PRKDC: variants seen among roughly 807,000 people sequenced by gnomAD.
The protein encoded by PRKDC is protein kinase, DNA-activated, catalytic subunit.
In PRKDC, 82 loss-of-function variants were observed where a neutral mutation model predicts 486.9. The ratio of observed to expected loss-of-function variants is 0.17; its 90% confidence interval spans 0.14 to 0.20. PRKDC has a LOEUF of 0.20. PRKDC is among the 10% of genes least tolerant of loss of function. PRKDC has a pLI of 1.00. For missense variants in PRKDC, 4,504 were observed against 5,038.2 expected, an observed-to-expected ratio of 0.89 and a Z score of 3.21; for synonymous variants, 1,895 against 1,837.0, an observed-to-expected ratio of 1.03 and a Z score of -0.81.
At chr8:47,789,107 C>T (rs2086841418) in intron 75 of PRKDC, 44 bp downstream of exon 75, 19 of 1,611,940 alleles carry the variant, frequency 1.2e-5, no homozygotes, top group Non-Finnish European at 1.6e-5. Flanking sequence ...TTAAGTTTTA[C>T]CCAACTTATA....
intron 52 of PRKDC, 108 bp from the exon 53 acceptor site, chr8:47,849,611 T>C (rs1459695689): frequency 7.9e-7 from 1 of 1,259,152 alleles, no homozygotes; most frequent in Non-Finnish European, 1.1e-6. Flanking sequence ...AGGTGCTCAA[T>C]GTTGTCACCT....
At chr8:47,867,886 A>G (rs1018286593) in intron 40 of PRKDC, among the ~76,000 whole-genome samples, 5 of 152,154 alleles carry the variant, frequency 3.3e-5, no homozygotes, top group African/African-American at 1.2e-4. Context: ...AGCCTTTGTC[A>G]GTTTTATCAC....
chr8:47,927,077 A>G (rs1403676923), intron 21 of PRKDC, 117 bp downstream of exon 21: 2 of 951,546 alleles, frequency 2.1e-6, no homozygotes, highest in Non-Finnish European at 3.0e-6. Flanking sequence ...GCAATCAAAC[A>G]TATTTTGAAC....
chr8:47,823,777 C>G, intron 64 of PRKDC, 81 bp downstream of exon 64: 1 of 1,505,952 alleles, frequency 6.6e-7, no homozygotes. Flanking sequence ...TCTGCTGTAC[C>G]TCGTTTTGCT....
intron 25 of PRKDC, 80 bp downstream of exon 25, chr8:47,912,330 T>G (rs1490152829): frequency 7.2e-7 from 1 of 1,382,358 alleles, no homozygotes; most frequent in African/African-American, 1.5e-5. Context: ...TCCAGGTAAT[T>G]CCACTGCTCT....
chr8:47,831,941 C>T lies in PRKDC; in HGVS notation c.8153-15G>A. The T allele has an allele frequency of 6.2e-7, 1 of 1,605,568 alleles. No homozygotes were observed. Among genetic ancestry groups the T allele is most frequent in the Non-Finnish European group, 8.5e-7 (1 of 1,173,388 alleles). ...GCCGGCCGCACCTGGAGAGGGAAAGCAGGCCCAGTTACTCCCCGCCGCCCA... is the reference window on the plus strand; with the variant it reads ...GCCGGCCGCACCTGGAGAGGGAAAGTAGGCCCAGTTACTCCCCGCCGCCCA... On this transcript the variant is annotated splice_polypyrimidine_tract_variant and intron_variant, in intron 59 of 85. Transcript: ENST00000314191.
rs2090670485 is a variant in PRKDC, at chr8:47,954,363, T to C, written c.483A>G (p.Ala161=). Residue 161 remains alanine, a synonymous_variant, in exon 5 of 86, where the codon GCA becomes GCG. Coordinates refer to ENST00000314191, the MANE Select transcript of PRKDC (RefSeq NM_006904.7). ...CTGTATCTGGTATTTTTTTTTTCAA[T>C]GCAAGTTCTCCATAGAATTTACTAA... ...ELFSKFYGEL[A]LKKKIPDTVL... 3 of 1,342,852 alleles carry C rather than the reference T, an allele frequency of 2.2e-6. No individual in the cohort carries two copies. Among genetic ancestry groups the C allele is most frequent in the Non-Finnish European group, 2.0e-6 (2 of 988,948 alleles). The allele number at this position is 1,342,852 out of a possible 1,614,324, so 83.2% of individuals were successfully genotyped here. A position where few individuals can be genotyped will look rare whatever the true frequency, so the allele number is the denominator to read the frequency against.
intron 74 of PRKDC, among the ~76,000 whole-genome samples, chr8:47,791,247 T>A (rs1406939976): frequency 6.6e-6 from 1 of 152,026 alleles, no homozygotes; most frequent in Admixed American, 6.5e-5. Context: ...GAGGCCAAGG[T>A]GGGCAGATCA....
chr8:47,913,825 T>C, intron 24 of PRKDC, 76 bp downstream of exon 24: 1 of 1,316,804 alleles, frequency 7.6e-7, no homozygotes, highest in Non-Finnish European at 1.0e-6. Context: ...CTGAAACATG[T>C]TCTCTATATC....
Position 47,834,245 on chromosome 8 carries a change from CCCAAAAT to C in PRKDC, c.8096_8102del (p.Asp2699GlyfsTer16). ...CCCCTGGAAGGCCCAGCCTTTTTTT[CCCAAAAT>C]CAGGCCCCACTGACTTCAAGGGTGC... On this transcript the variant is annotated frameshift_variant, in exon 59 of 86. Coordinates refer to ENST00000314191, the MANE Select transcript of PRKDC (RefSeq NM_006904.7). LOFTEE classifies it high-confidence loss of function. The C allele has an allele frequency of 1.2e-6, 2 of 1,613,902 alleles. No individual in the cohort carries two copies. The highest frequency in any genetic ancestry group is 1.7e-6 in the Non-Finnish European group (2 of 1,179,860).
intron 69 of PRKDC, among the ~76,000 whole-genome samples, chr8:47,804,066 T>A (rs531050065): frequency 5.4e-4 from 82 of 152,294 alleles, no homozygotes; most frequent in Admixed American, 4.8e-3. Context: ...AAATTCACTG[T>A]CTGTTCAGAG....
chr8:47,871,266 T>C (rs183424645), intron 40 of PRKDC, among the ~76,000 whole-genome samples: 34 of 152,184 alleles, frequency 2.2e-4, no homozygotes, highest in Admixed American at 2.0e-4. Context: ...TTAACCCAAA[T>C]AAAACTACCT....
At position 47,854,151 on chromosome 8, in the gene PRKDC, T is replaced by G; in HGVS notation, c.6825A>C (p.Gln2275His). The G allele has an allele frequency of 6.2e-7, 1 of 1,613,806 alleles. No individual in the cohort carries two copies. Among genetic ancestry groups the G allele is most frequent in the Middle Eastern group, 1.6e-4 (1 of 6,062 alleles). The change falls in exon 51 of 86, where the codon CAA (glutamine) becomes CAC (histidine). Residue 2275 changes from glutamine to histidine, a missense_variant. Coordinates refer to ENST00000314191, the MANE Select transcript of PRKDC (RefSeq NM_006904.7). ...CATTGGCCATCACGATGCCTAGCAA[T>G]TGAATCCCTACTGAGTTGTCTTTAG... ...PNSKDNSVGI[Q>H]LLGIVMANDL...
chr8:47,898,820 A>G (rs1241584615), intron 28 of PRKDC, among the ~76,000 whole-genome samples: 2 of 152,250 alleles, frequency 1.3e-5, no homozygotes, highest in Non-Finnish European at 2.9e-5. Context: ...ACATGCACAC[A>G]CTCAGAGCAA....
At position 47,953,925 on chromosome 8, in the gene PRKDC, A is replaced by G; in HGVS notation, c.509-6T>C. The G allele has an allele frequency of 2.6e-6, 4 of 1,510,384 alleles. No individual in the cohort carries two copies. Among genetic ancestry groups the G allele is most frequent in the Non-Finnish European group, 3.6e-6 (4 of 1,120,392 alleles). 93.6% of individuals were successfully genotyped at this position (1,510,384 alleles called of 1,614,324 possible). A position where few individuals can be genotyped will look rare whatever the true frequency, so the allele number is the denominator to read the frequency against. ...CTCATATACTTTTTCTAAAACTGAA[A>G]AGAAAATTTTAGACAAGTGAAGGCC... On this transcript the variant is annotated splice_polypyrimidine_tract_variant and splice_region_variant and intron_variant, in intron 5 of 85. Transcript: ENST00000314191.
At chr8:47,792,400 A>G (rs904536579) in intron 74 of PRKDC, among the ~76,000 whole-genome samples, 1 of 151,670 alleles carries the variant, frequency 6.6e-6, no homozygotes, top group African/African-American at 2.4e-5. Flanking sequence ...CTGGGACTAT[A>G]GGCACCTGCC....
chr8:47,848,652 T>C (rs972656919), intron 54 of PRKDC, among the ~76,000 whole-genome samples: 5 of 93,794 alleles, frequency 5.3e-5, no homozygotes, highest in Admixed American at 4.2e-4. Context: ...TTGAAAAAAA[T>C]GAAAAAAAAA....
intron 25 of PRKDC, among the ~76,000 whole-genome samples, chr8:47,907,289 C>T (rs1233857709): frequency 2.0e-5 from 3 of 148,704 alleles, no homozygotes; most frequent in South Asian, 2.1e-4. Flanking sequence ...ATCCACCCAC[C>T]TCGGCCTCCC....
intron 68 of PRKDC, among the ~76,000 whole-genome samples, chr8:47,810,590 G>C (rs1008724330): frequency 2.0e-5 from 3 of 152,140 alleles, no homozygotes; most frequent in African/African-American, 7.2e-5. Flanking sequence ...ACAGAAAACA[G>C]ATGCCAACTC....
Sources: gnomAD v4.1 joint callset for allele counts (sites outside exome capture counted in the v4.1 genomes callset) on GRCh38, gnomAD v4.1.1 for gene constraint, MANE v1.5 for transcripts, NCBI Gene and HGNC (gene_info 2026-07-23, HGNC 2026-07-21) for gene names.